The following ZMIZ1 variants were observed in gnomAD, a reference collection of about 807,000 sequenced individuals.
ZMIZ1 encodes zinc finger MIZ-type containing 1, also known as zinc finger MIZ domain-containing protein 1.
A neutral mutation model predicts 113.9 loss-of-function variants in ZMIZ1; 17 were observed. That is an observed-to-expected ratio of 0.15 (90% CI 0.10 to 0.22). The LOEUF (loss-of-function observed/expected upper bound fraction) is 0.22. ZMIZ1 is among the 10% of genes least tolerant of loss of function. The pLI is 1.00. For synonymous variants in ZMIZ1, 607 were observed against 603.1 expected (o/e 1.01, Z -0.09); for missense variants, 1,059 against 1,477.8 (o/e 0.72, Z 4.65).
At chr10:79,227,747 G>A in intron 7 of ZMIZ1, among the ~76,000 whole-genome samples, 1 of 152,206 alleles carries the variant, frequency 6.6e-6, no homozygotes, top group East Asian at 1.9e-4. Flanking sequence ...TTATGTGTAG[G>A]TAGGGCCAAG....
intron 4 of ZMIZ1, among the ~76,000 whole-genome samples, chr10:79,164,993 G>A (rs550293766): frequency 1.3e-5 from 2 of 152,220 alleles, no homozygotes; most frequent in East Asian, 3.9e-4. Flanking sequence ...CCATTGCATG[G>A]ACATAGGGGC....
intron 5 of ZMIZ1, among the ~76,000 whole-genome samples, chr10:79,206,960 A>G (rs1848341715): frequency 6.6e-6 from 1 of 152,236 alleles, no homozygotes; most frequent in Non-Finnish European, 1.5e-5. Context: ...ACAGTCACGG[A>G]ACCTTAAGCG....
chr10:79,189,563 T>C (rs1044307178), intron 4 of ZMIZ1, among the ~76,000 whole-genome samples: 2 of 152,226 alleles, frequency 1.3e-5, no homozygotes, highest in African/African-American at 4.8e-5. Context: ...GCTAGCATTG[T>C]GCCCCAGGGC....
chr10:79,085,814 C>T (rs1396202722), intron 1 of ZMIZ1, among the ~76,000 whole-genome samples: 2 of 152,190 alleles, frequency 1.3e-5, no homozygotes, highest in Non-Finnish European at 2.9e-5. Flanking sequence ...TGCCCAGTGG[C>T]CAGGGACCTG....
chr10:79,162,391 G>A (rs1366868029), intron 4 of ZMIZ1, among the ~76,000 whole-genome samples: 1 of 152,200 alleles, frequency 6.6e-6, no homozygotes, highest in Non-Finnish European at 1.5e-5. Flanking sequence ...TCTGCCCGGG[G>A]AGAGGGGCAG....
At position 79,082,487 on chromosome 10, in the gene ZMIZ1, A is replaced by G. The variant is rs545519116; in HGVS notation, c.-337+13217A>G. 3.3e-5 allele frequency among the ~76,000 whole-genome samples: 5 copies of G among 152,250 alleles called. No homozygotes were observed. In the South Asian group the frequency reaches 1.0e-3, roughly 32 times the overall value. ...CCTTCCAGGCCCCTAAGACCCAAAG[A>G]TGCCCAAACTATTGGAGCAGGAGGG... On this transcript the variant is annotated intron_variant, in intron 1 of 24. Coordinates refer to ENST00000334512, the MANE Select transcript of ZMIZ1 (RefSeq NM_020338.4).
At chr10:79,136,511 T>C (rs1845014383) in intron 2 of ZMIZ1, among the ~76,000 whole-genome samples, 1 of 152,224 alleles carries the variant, frequency 6.6e-6, no homozygotes, top group African/African-American at 2.4e-5. Flanking sequence ...GAGTCAGCCC[T>C]AGGTTGCTGC....
At chr10:79,196,796 G>A (rs1199388732) in intron 4 of ZMIZ1, among the ~76,000 whole-genome samples, 2 of 152,246 alleles carry the variant, frequency 1.3e-5, no homozygotes, top group Non-Finnish European at 2.9e-5. Context: ...ACAATGTCAG[G>A]AGAAAGTTCC....
chr10:79,279,933 G>T (rs972386087), intron 8 of ZMIZ1, among the ~76,000 whole-genome samples: 2 of 152,072 alleles, frequency 1.3e-5, no homozygotes, highest in Non-Finnish European at 2.9e-5. Context: ...CCTCGGCTAG[G>T]TATCAGAGGG....
intron 2 of ZMIZ1, among the ~76,000 whole-genome samples, chr10:79,121,363 C>G (rs1844284447): frequency 6.6e-6 from 1 of 152,222 alleles, no homozygotes; most frequent in Admixed American, 6.5e-5. Flanking sequence ...TCCCAGAGAG[C>G]CCCTCCAGGT....
intron 4 of ZMIZ1, among the ~76,000 whole-genome samples, chr10:79,167,858 A>G (rs1227246259): frequency 6.6e-6 from 1 of 152,168 alleles, no homozygotes; most frequent in South Asian, 2.1e-4. Context: ...CAGCCAGCAG[A>G]GTCTGAATCT....
At chr10:79,269,067 G>T (rs534903160) in intron 7 of ZMIZ1, among the ~76,000 whole-genome samples, 1 of 152,176 alleles carries the variant, frequency 6.6e-6, no homozygotes, top group East Asian at 1.9e-4. Flanking sequence ...GCAGGAACTT[G>T]CGACATGTCA....
intron 4 of ZMIZ1, among the ~76,000 whole-genome samples, chr10:79,165,834 C>T (rs1846303383): frequency 6.6e-6 from 1 of 150,506 alleles, no homozygotes; most frequent in Admixed American, 6.6e-5. Context: ...GCCCAACCAG[C>T]TCCCCCTAGG....
At chr10:79,283,895 G>C (rs775467888) in intron 8 of ZMIZ1, among the ~76,000 whole-genome samples, 2 of 152,230 alleles carry the variant, frequency 1.3e-5, no homozygotes, top group Non-Finnish European at 2.9e-5. Flanking sequence ...GGGAGCTTCA[G>C]CTCCTCACTG....
At chr10:79,284,115 T>C (rs529450660) in intron 8 of ZMIZ1, among the ~76,000 whole-genome samples, 1 of 152,122 alleles carries the variant, frequency 6.6e-6, no homozygotes, top group East Asian at 1.9e-4. Context: ...GATGCTGCCA[T>C]AGCGGGTGCA....
chr10:79,163,711 A>G (rs1016152989), intron 4 of ZMIZ1, among the ~76,000 whole-genome samples: 2 of 152,222 alleles, frequency 1.3e-5, no homozygotes, highest in African/African-American at 4.8e-5. Flanking sequence ...CAGGACAAGC[A>G]TGGGAGCTGC....
chr10:79,267,480 C>G (rs1455492880), intron 7 of ZMIZ1, among the ~76,000 whole-genome samples: 2 of 152,222 alleles, frequency 1.3e-5, no homozygotes, highest in Non-Finnish European at 2.9e-5. Flanking sequence ...ATTGTACCAA[C>G]ATTCTATGTA....
At chr10:79,209,683 A>G (rs1848462307) in intron 6 of ZMIZ1, among the ~76,000 whole-genome samples, 1 of 152,260 alleles carries the variant, frequency 6.6e-6, no homozygotes, top group African/African-American at 2.4e-5. Context: ...GTGACAAAGC[A>G]TCTGTTCTGT....
At chr10:79,171,034 C>T (rs1281258941) in intron 4 of ZMIZ1, among the ~76,000 whole-genome samples, 1 of 152,202 alleles carries the variant, frequency 6.6e-6, no homozygotes, top group Non-Finnish European at 1.5e-5. Context: ...AATCAAGAAC[C>T]CCCTCCCAGC....
Sources: allele counts gnomAD v4.1 joint callset (sites outside exome capture counted in the v4.1 genomes callset), GRCh38; gene constraint gnomAD v4.1.1; transcripts MANE v1.5; gene names NCBI Gene and HGNC (gene_info 2026-07-23, HGNC 2026-07-21).